Variants in SLC26A7 observed in about 807,000 individuals in gnomAD.
SLC26A7 encodes anion exchange transporter.
In SLC26A7, 59 loss-of-function variants were observed where a neutral mutation model predicts 82.5. The observed-to-expected ratio is 0.72, with a 90% CI of 0.58 to 0.89. The LOEUF (loss-of-function observed/expected upper bound fraction) is 0.89, where lower values mean the gene tolerates loss of function less well. SLC26A7 is among the 40% of genes least tolerant of loss of function. The pLI is 0.00. For missense variants in SLC26A7, 820 were observed against 793.0 expected (o/e 1.03, Z -0.41); for synonymous variants, 271 against 274.3 (o/e 0.99, Z 0.12).
chr8:91,318,108 C>A, intron 4 of SLC26A7, 108 bp from the exon 5 acceptor site: 1 of 942,206 alleles, frequency 1.1e-6, no homozygotes, highest in Non-Finnish European at 1.6e-6. Flanking sequence ...CATGTCAGTT[C>A]TCTATGATTC....
intron 11 of SLC26A7, among the ~76,000 whole-genome samples, chr8:91,355,126 G>A (rs887146639): frequency 4.6e-5 from 7 of 151,812 alleles, no homozygotes; most frequent in Middle Eastern, 3.2e-3. Context: ...GCATTGAGGG[G>A]TAAAGTAGAG....
Position 91,295,523 on chromosome 8 carries a change from G to C in SLC26A7, c.305-8G>C. On this transcript the variant is annotated splice_polypyrimidine_tract_variant and splice_region_variant and intron_variant, in intron 3 of 18. Transcript: ENST00000276609. ...TAATAGAAGATTCCCCACACCACTT[G>C]GTTTCAGGCACCTTTGCCTTGACAT... The C allele has an allele frequency of 6.2e-7, 1 of 1,607,510 alleles. No homozygotes were observed.
intron 4 of SLC26A7, among the ~76,000 whole-genome samples, chr8:91,299,423 T>A (rs551759971): frequency 2.5e-4 from 38 of 152,236 alleles, no homozygotes; most frequent in African/African-American, 8.7e-4. Flanking sequence ...ATGATTTATT[T>A]TTTTTCTTTT....
Position 91,396,406 on chromosome 8 carries a change from C to T in SLC26A7, c.*1309C>T, listed in dbSNP as rs1332205493. The stretch of plus-strand genomic sequence containing the variant: ...ACAAGTTGAAACTAAAATTAAAATA[C>T]CAGCCATTTAGGTGCTTTCTCTGGC... On this transcript the variant is annotated 3_prime_UTR_variant, in exon 19 of 19. Transcript: ENST00000276609. 1.3e-5 allele frequency: 2 copies of T among 152,022 alleles called. No individual in the cohort carries two copies. Among genetic ancestry groups the T allele is most frequent in the South Asian group, 2.1e-4 (1 of 4,826 alleles). 9.4% of individuals were successfully genotyped at this position (152,022 alleles called of 1,614,324 possible).
intron 2 of SLC26A7, among the ~76,000 whole-genome samples, chr8:91,236,679 AT>A (rs1810397528): frequency 1.3e-5 from 2 of 152,134 alleles, no homozygotes; most frequent in Admixed American, 6.5e-5. Flanking sequence ...AGCCATTAAT[AT>A]TGTTAAAGTT....
At chr8:91,394,416 T>C (rs1808508015) in intron 18 of SLC26A7, 4 of 1,443,260 alleles carry the variant, frequency 2.8e-6, no homozygotes, top group Non-Finnish European at 2.7e-6. Flanking sequence ...TTTTCTGCTC[T>C]GATATCTTGC....
At chr8:91,242,194 A>C (rs1444229445) in intron 2 of SLC26A7, among the ~76,000 whole-genome samples, 1 of 152,188 alleles carries the variant, frequency 6.6e-6, no homozygotes. Flanking sequence ...AATATCTTTT[A>C]ATAGAAGTAC....
chr8:91,278,538 G>T (rs1401496131), intron 2 of SLC26A7, among the ~76,000 whole-genome samples: 2 of 152,080 alleles, frequency 1.3e-5, no homozygotes, highest in Non-Finnish European at 2.9e-5. Context: ...TTAATGCAAA[G>T]ATGTTATTTT....
intron 2 of SLC26A7, among the ~76,000 whole-genome samples, chr8:91,251,164 A>T (rs1292628010): frequency 2.0e-5 from 3 of 152,140 alleles, no homozygotes; most frequent in Non-Finnish European, 2.9e-5. Context: ...TTTGGAAAAT[A>T]TCAAGTTAAT....
At chr8:91,325,721 C>T (rs746566202) in intron 5 of SLC26A7, among the ~76,000 whole-genome samples, 1 of 152,124 alleles carries the variant, frequency 6.6e-6, no homozygotes, top group Non-Finnish European at 1.5e-5. Flanking sequence ...CATCTTCCCT[C>T]CATAACCCAA....
chr8:91,363,941 G>GTTTTTTTTTTTTTT, intron 13 of SLC26A7, among the ~76,000 whole-genome samples: 1 of 135,692 alleles, frequency 7.4e-6, no homozygotes. Context: ...TCATGGTATT[G>GTTTTTTTTTTTTTT]TTTTTTTTTT....
chr8:91,221,179 A>C (rs1355254966), intron 2 of SLC26A7, among the ~76,000 whole-genome samples: 1 of 152,132 alleles, frequency 6.6e-6, no homozygotes, highest in Non-Finnish European at 1.5e-5. Context: ...TTTGAGAAGC[A>C]TCTGTTCATA....
At chr8:91,223,882 C>A (rs996618789) in intron 2 of SLC26A7, among the ~76,000 whole-genome samples, 2 of 151,830 alleles carry the variant, frequency 1.3e-5, no homozygotes, top group Admixed American at 6.6e-5. Context: ...CCTTTTTATT[C>A]TTTTTTTCTC....
rs142259538 is a variant in SLC26A7, at chr8:91,229,984, C to A, written c.-34+10979C>A. On this transcript the variant is annotated intron_variant, in intron 2 of 5. Transcript: ENST00000522862. The stretch of plus-strand genomic sequence containing the variant: ...TGCCCCTTCACCCCCGGCAAACAAC[C>A]ATTTTTCTGATATTTTTTTCCACCA... Among the ~76,000 whole-genome samples, 739 of 152,240 alleles carry A rather than the reference C, an allele frequency of 4.9e-3. 6 individuals carry two copies. The highest frequency in any genetic ancestry group is 0.016 in the African/African-American group (680 of 41,546).
intron 12 of SLC26A7, 133 bp from the exon 13 acceptor site, chr8:91,363,339 T>C: frequency 3.9e-6 from 2 of 517,564 alleles, no homozygotes; most frequent in South Asian, 4.8e-5. Context: ...TGTCCTCTTA[T>C]GAACAAATGA....
intron 4 of SLC26A7, among the ~76,000 whole-genome samples, chr8:91,312,695 G>A (rs932285449): frequency 2.6e-5 from 4 of 151,582 alleles, no homozygotes; most frequent in Non-Finnish European, 4.4e-5. Context: ...TCATCCTAAC[G>A]GATGTGAGGT....
chr8:91,392,651 G>A (rs1353642323), intron 16 of SLC26A7, among the ~76,000 whole-genome samples: 1 of 152,140 alleles, frequency 6.6e-6, no homozygotes, highest in African/African-American at 2.4e-5. Context: ...AACACTCCTT[G>A]CATTGTTTTC....
At chr8:91,347,756 A>G (rs1354048288) in intron 9 of SLC26A7, among the ~76,000 whole-genome samples, 1 of 152,222 alleles carries the variant, frequency 6.6e-6, no homozygotes, top group East Asian at 1.9e-4. Flanking sequence ...ACTCATTTCT[A>G]TCTTCCATAT....
At chr8:91,257,739 T>C (rs1383471147) in intron 2 of SLC26A7, among the ~76,000 whole-genome samples, 8 of 152,150 alleles carry the variant, frequency 5.3e-5, no homozygotes, top group Non-Finnish European at 1.0e-4. Flanking sequence ...GGTTTGGAGG[T>C]ACATGTGAAG....
Sources: gnomAD v4.1 joint callset for allele counts (sites outside exome capture counted in the v4.1 genomes callset) on GRCh38, gnomAD v4.1.1 for gene constraint, MANE v1.5 for transcripts, NCBI Gene and HGNC (gene_info 2026-07-23, HGNC 2026-07-21) for gene names.